ARHGAP15: variants seen among roughly 807,000 people sequenced by gnomAD.
The protein encoded by ARHGAP15 is Rho GTPase activating protein 15.
In ARHGAP15, 51 loss-of-function variants were observed where a neutral mutation model predicts 63.7. That is an observed-to-expected ratio of 0.80 (90% CI 0.64 to 1.01). The LOEUF (loss-of-function observed/expected upper bound fraction) is 1.01, where lower values mean the gene tolerates loss of function less well. Among genes scored for constraint, ARHGAP15 ranks in the 50% least tolerant of loss-of-function variants. ARHGAP15 has a pLI of 0.00. For synonymous variants in ARHGAP15, 191 were observed against 193.8 expected, an observed-to-expected ratio of 0.99 and a Z score of 0.12; for missense variants, 560 against 564.6, an observed-to-expected ratio of 0.99 and a Z score of 0.08.
At chr2:143,568,829 A>G (rs1295618982) in intron 11 of ARHGAP15, among the ~76,000 whole-genome samples, 2 of 152,374 alleles carry the variant, frequency 1.3e-5, no homozygotes, top group East Asian at 3.9e-4. Context: ...AATACTATGC[A>G]GCCATAAAAA....
At chr2:143,392,183 T>C (rs1312148791) in intron 6 of ARHGAP15, among the ~76,000 whole-genome samples, 1 of 152,372 alleles carries the variant, frequency 6.6e-6, no homozygotes, top group Non-Finnish European at 1.5e-5. Context: ...GTCCCTGTTA[T>C]ACTTTTCCAA....
chr2:143,754,015 G>A (rs1377168905), intron 13 of ARHGAP15, among the ~76,000 whole-genome samples: 1 of 152,122 alleles, frequency 6.6e-6, no homozygotes, highest in Non-Finnish European at 1.5e-5. Flanking sequence ...GTGAAATTTA[G>A]GTGTGCAGGA....
At chr2:143,438,421 A>G (rs1689713351) in intron 8 of ARHGAP15, among the ~76,000 whole-genome samples, 1 of 152,190 alleles carries the variant, frequency 6.6e-6, no homozygotes, top group Admixed American at 6.6e-5. Flanking sequence ...ATGTGATAAC[A>G]TATTTGCCAA....
chr2:143,136,561 CTT>C (rs927953969), intron 1 of ARHGAP15, among the ~76,000 whole-genome samples: 1 of 150,870 alleles, frequency 6.6e-6, no homozygotes, highest in Non-Finnish European at 1.5e-5. Context: ...TTTAGTCAGA[CTT>C]TTTGTTGGGC....
chr2:143,338,463 T>C (rs1427914522), intron 6 of ARHGAP15, among the ~76,000 whole-genome samples: 1 of 152,186 alleles, frequency 6.6e-6, no homozygotes, highest in Non-Finnish European at 1.5e-5. Context: ...CAAGCCTATG[T>C]GACATTAAAA....
rs61184430 is a variant in ARHGAP15 at position 143,346,228 on chromosome 2, ACTCTCT to A, written c.475-89369_475-89364del. Reference sequence around the variant, plus strand: ...CACACACACACTCTCTCTCACACACACTCTCTCTCACACACACACACTCACACACAC... The same window carrying A: ...CACACACACACTCTCTCTCACACACACTCACACACACACACTCACACACAC... On this transcript the variant is annotated intron_variant, in intron 6 of 13. Transcript: ENST00000295095. Among the ~76,000 whole-genome samples the A allele has an allele frequency of 1.4e-3, 194 of 139,594 alleles. 2 individuals carry two copies. Among genetic ancestry groups the A allele is most frequent in the African/African-American group, 4.5e-3 (174 of 38,840 alleles). 91.6% of individuals were successfully genotyped at this position (139,594 alleles called of 152,430 possible). A position where few individuals can be genotyped will look rare whatever the true frequency, so the allele number is the denominator to read the frequency against.
At chr2:143,662,759 G>A (rs866926822) in intron 12 of ARHGAP15, among the ~76,000 whole-genome samples, 12 of 102,734 alleles carry the variant, frequency 1.2e-4, no homozygotes, top group Non-Finnish European at 1.9e-4. Flanking sequence ...CGAGAACTAC[G>A]TGAAGAATGC....
chr2:143,436,932 C>T lies in ARHGAP15; in HGVS notation c.593C>T (p.Pro198Leu), dbSNP rs748353571. 6 of 1,610,194 alleles carry T rather than the reference C, an allele frequency of 3.7e-6. No individual in the cohort carries two copies. The Admixed American group carries it at 8.5e-5, about 23-fold the overall frequency. The stretch of plus-strand genomic sequence containing the variant: ...TTCCAGCCAAAGGATTCAAGTTGTC[C>T]ATCAAGAAACCTGGAATTATTCAAA... Reference protein sequence around the residue: ...IDRLPKDSSCPSRNLELFKIQ... With the variant: ...IDRLPKDSSCLSRNLELFKIQ... The change falls in exon 8 of 14, where the codon CCA becomes CTA. Residue 198 changes from proline to leucine, a missense_variant. Pro to Leu is a moderately conservative substitution (Grantham distance 98). Transcript: ENST00000295095.
At position 143,135,400 on chromosome 2, in the gene ARHGAP15, A is replaced by G. The variant is rs1404645325; in HGVS notation, c.-15+5934A>G. ...CCAATTCCATTCAACTCCATAAATAATTTTGAACTCTAAGTATACTATGTT... is the reference window on the plus strand; with the variant it reads ...CCAATTCCATTCAACTCCATAAATAGTTTTGAACTCTAAGTATACTATGTT... On this transcript the variant is annotated intron_variant, in intron 1 of 13. Coordinates refer to ENST00000295095, the MANE Select transcript of ARHGAP15 (RefSeq NM_018460.4). Among the ~76,000 whole-genome samples the G allele has an allele frequency of 2.0e-5, 3 of 152,186 alleles. No homozygotes were observed. In the East Asian group the frequency reaches 5.8e-4, roughly 29 times the overall value.
rs1680095428 is a variant in ARHGAP15 at position 143,250,426 on chromosome 2, C to T, written c.385-85C>T. On this transcript the variant is annotated intron_variant, in intron 5 of 13. Transcript: ENST00000295095. ...GGCATTATATCATAAATATGTATAG[C>T]TGCTAACTCAATAAACTCCTATTTC... 31 of 1,027,630 alleles carry T rather than the reference C, an allele frequency of 3.0e-5. 2 individuals are homozygous for T. In the South Asian group the frequency reaches 4.2e-4, roughly 14 times the overall value. 63.7% of individuals were successfully genotyped at this position (1,027,630 alleles called of 1,614,324 possible). A position where few individuals can be genotyped will look rare whatever the true frequency, so the allele number is the denominator to read the frequency against.
At chr2:143,373,511 T>C (rs1686657257) in intron 6 of ARHGAP15, among the ~76,000 whole-genome samples, 1 of 151,476 alleles carries the variant, frequency 6.6e-6, no homozygotes, top group African/African-American at 2.4e-5. Context: ...GTGCCTGTAG[T>C]CCCAGCTGCT....
chr2:143,286,381 C>G (rs904627433), intron 6 of ARHGAP15, among the ~76,000 whole-genome samples: 1 of 152,200 alleles, frequency 6.6e-6, no homozygotes, highest in East Asian at 1.9e-4. Flanking sequence ...CCATTTTACA[C>G]ACATAAAATA....
intron 8 of ARHGAP15, among the ~76,000 whole-genome samples, chr2:143,457,344 G>C (rs911801543): frequency 2.6e-5 from 4 of 151,878 alleles, no homozygotes; most frequent in Admixed American, 1.3e-4. Context: ...TTAAAGACCA[G>C]CCTAGCCAAC....
At chr2:143,471,188 A>C (rs562132948) in intron 8 of ARHGAP15, among the ~76,000 whole-genome samples, 153 of 141,720 alleles carry the variant, frequency 1.1e-3, no homozygotes, top group African/African-American at 3.8e-3. Flanking sequence ...GTGTGTGTAT[A>C]TATACACACA....
chr2:143,497,973 T>A (rs748383316), intron 9 of ARHGAP15, among the ~76,000 whole-genome samples: 2 of 152,160 alleles, frequency 1.3e-5, no homozygotes, highest in Non-Finnish European at 2.9e-5. Flanking sequence ...AGGGACCCCA[T>A]TCAGCAGATG....
chr2:143,213,888 T>C (rs1481020768), intron 3 of ARHGAP15, among the ~76,000 whole-genome samples: 1 of 152,228 alleles, frequency 6.6e-6, no homozygotes, highest in East Asian at 1.9e-4. Context: ...TATTGAGTCT[T>C]AACTTGAGAA....
At chr2:143,573,409 A>G (rs1696541996) in intron 11 of ARHGAP15, among the ~76,000 whole-genome samples, 1 of 152,160 alleles carries the variant, frequency 6.6e-6, no homozygotes, top group Non-Finnish European at 1.5e-5. Flanking sequence ...TAACATGTAA[A>G]CTACAAATAT....
chr2:143,408,593 T>C (rs923345125), intron 6 of ARHGAP15, among the ~76,000 whole-genome samples: 2 of 151,878 alleles, frequency 1.3e-5, no homozygotes, highest in African/African-American at 4.8e-5. Flanking sequence ...TTGCCAAAGG[T>C]GATTTCAAAC....
At chr2:143,370,268 C>A (rs993666918) in intron 6 of ARHGAP15, among the ~76,000 whole-genome samples, 1 of 151,952 alleles carries the variant, frequency 6.6e-6, no homozygotes, top group Non-Finnish European at 1.5e-5. Context: ...TACTTAAGAT[C>A]CTTGGCATGT....
Sources: allele counts gnomAD v4.1 joint callset (sites outside exome capture counted in the v4.1 genomes callset), GRCh38; gene constraint gnomAD v4.1.1; transcripts MANE v1.5; gene names NCBI Gene and HGNC (gene_info 2026-07-23, HGNC 2026-07-21).